Variants in RAD54L2 observed in about 807,000 individuals in gnomAD.
The protein encoded by RAD54L2 is helicase ARIP4.
In RAD54L2, 27 loss-of-function variants were observed where a neutral mutation model predicts 138.4. The ratio of observed to expected loss-of-function variants is 0.20; its 90% confidence interval spans 0.14 to 0.27. RAD54L2 has a LOEUF of 0.27. Ranked by LOEUF, RAD54L2 falls within the 10% of genes least tolerant of loss-of-function variation. The pLI is 1.00. For missense variants in RAD54L2, 1,396 were observed against 1,890.2 expected (o/e 0.74, Z 4.85); for synonymous variants, 644 against 723.2 (o/e 0.89, Z 1.76).
chr3:51,603,524 T>G (rs911867692), intron 3 of RAD54L2, among the ~76,000 whole-genome samples: 1 of 152,000 alleles, frequency 6.6e-6, no homozygotes, highest in Non-Finnish European at 1.5e-5. Flanking sequence ...GGAGAATTGC[T>G]TGAACCTGGG....
intron 19 of RAD54L2, among the ~76,000 whole-genome samples, chr3:51,652,899 T>C (rs915117403): frequency 2.1e-4 from 32 of 152,124 alleles, no homozygotes; most frequent in Non-Finnish European, 2.9e-4. Context: ...ACACCAAAAG[T>C]AATGGCAATA....
chr3:51,637,606 C>G lies in RAD54L2; in HGVS notation c.1682+103C>G. 2 of 1,173,506 alleles carry G rather than the reference C, an allele frequency of 1.7e-6. No homozygotes were observed. Among genetic ancestry groups the G allele is most frequent in the Non-Finnish European group, 2.3e-6 (2 of 851,982 alleles). 72.7% of individuals were successfully genotyped at this position (1,173,506 alleles called of 1,614,324 possible). A position where few individuals can be genotyped will look rare whatever the true frequency, so the allele number is the denominator to read the frequency against. On this transcript the variant is annotated intron_variant, in intron 11 of 22. Transcript: ENST00000684192. This position sits in a 1 kb window ranked among gnomAD's most constrained non-coding sequence, Gnocchi z 5.9. ...GGATAGGGTGTTGGAGTAGGAGGGC[C>G]CCTTCCCTGGGGCAGTAGTAAAACT...
At chr3:51,608,782 T>G (rs1700262834) in intron 3 of RAD54L2, among the ~76,000 whole-genome samples, 1 of 152,078 alleles carries the variant, frequency 6.6e-6, no homozygotes, top group Non-Finnish European at 1.5e-5. Context: ...GGCAGTACAG[T>G]CCAGCCTCGG....
At chr3:51,584,010 T>A (rs1249419562) in intron 2 of RAD54L2, among the ~76,000 whole-genome samples, 1 of 152,110 alleles carries the variant, frequency 6.6e-6, no homozygotes, top group African/African-American at 2.4e-5. Context: ...TGTTTTAGAA[T>A]CTGGAAGAGA....
At chr3:51,658,746 A>G (rs1701672991) in intron 21 of RAD54L2, among the ~76,000 whole-genome samples, 1 of 152,128 alleles carries the variant, frequency 6.6e-6, no homozygotes, top group Non-Finnish European at 1.5e-5. Flanking sequence ...CACCATTCCC[A>G]GCCTCCTTAC....
At chr3:51,604,894 T>A (rs1448502765) in intron 3 of RAD54L2, among the ~76,000 whole-genome samples, 1 of 152,122 alleles carries the variant, frequency 6.6e-6, no homozygotes, top group Non-Finnish European at 1.5e-5. Flanking sequence ...TGAATTGTTA[T>A]CTTCTGAAGT....
At chr3:51,633,349 T>C (rs939088094) in intron 7 of RAD54L2, among the ~76,000 whole-genome samples, 1 of 152,238 alleles carries the variant, frequency 6.6e-6, no homozygotes, top group Admixed American at 6.5e-5. Flanking sequence ...ATTCATGCAT[T>C]ACATGGGGTG....
At chr3:51,639,719 A>ATGGTGCAAGCCCTGCCTGGGGAAGGGG in intron 13 of RAD54L2, 49 bp downstream of exon 13, 1 of 1,603,032 alleles carries the variant, frequency 6.2e-7, no homozygotes, top group Non-Finnish European at 8.5e-7. Context: ...CTGAGAAGGG[A>ATGGTGCAAGCCCTGCCTGGGGAAGGGG]TGGTGCAAGC....
At chr3:51,648,205 G>A (rs1316047497) in intron 19 of RAD54L2, among the ~76,000 whole-genome samples, 1 of 152,228 alleles carries the variant, frequency 6.6e-6, no homozygotes, top group Non-Finnish European at 1.5e-5. Flanking sequence ...TAGTGCAGCA[G>A]TCCAAGATCA....
chr3:51,662,874 C>T lies in RAD54L2; in HGVS notation c.3858C>T (p.His1286=), dbSNP rs147484572. ...HLPAPVQPYE[H]GYPVSGGFAM... is the part of the protein sequence containing the mutation. Reference sequence around the variant, plus strand: ...CAGCCCCCGTGCAGCCGTATGAACACGGGTATCCAGTCTCTGGCGGGTTTG... The same window carrying T: ...CAGCCCCCGTGCAGCCGTATGAACATGGGTATCCAGTCTCTGGCGGGTTTG... Residue 1286 remains histidine, a synonymous_variant, in exon 23 of 23, where the codon CAC becomes CAT. Coordinates refer to ENST00000684192, the MANE Select transcript of RAD54L2 (RefSeq NM_015106.4). The surrounding 1 kb of genome is among the most constrained non-coding windows in gnomAD (Gnocchi z 4.6). 3.7e-4 allele frequency: 596 copies of T among 1,613,750 alleles called. 1 individual carries two copies. The highest frequency in any genetic ancestry group is 2.5e-3 in the Middle Eastern group (15 of 6,062).
At chr3:51,613,980 C>T (rs1027003025) in intron 3 of RAD54L2, among the ~76,000 whole-genome samples, 6 of 152,090 alleles carry the variant, frequency 3.9e-5, no homozygotes, top group Non-Finnish European at 8.8e-5. Context: ...TGCTGCTAAA[C>T]GTCCTACAGC....
intron 5 of RAD54L2, 118 bp downstream of exon 5, chr3:51,629,591 G>T: frequency 7.8e-7 from 1 of 1,289,716 alleles, no homozygotes; most frequent in Non-Finnish European, 1.0e-6. Context: ...GGGCGCGGTG[G>T]CTCACGCCTG....
At chr3:51,590,342 T>C in intron 2 of RAD54L2, 25 bp from the exon 3 acceptor site, 2 of 1,422,552 alleles carry the variant, frequency 1.4e-6, no homozygotes, top group East Asian at 5.1e-5. Context: ...CCTTGGTGAT[T>C]CTGATGCCTT....
chr3:51,613,623 T>C (rs537579927), intron 3 of RAD54L2, among the ~76,000 whole-genome samples: 2 of 152,068 alleles, frequency 1.3e-5, no homozygotes, highest in African/African-American at 2.4e-5. Context: ...AAAGATTAGC[T>C]GGGCATGGTG....
intron 3 of RAD54L2, among the ~76,000 whole-genome samples, chr3:51,620,154 G>A (rs2106777473): frequency 6.6e-6 from 1 of 152,004 alleles, no homozygotes; most frequent in South Asian, 2.1e-4. Context: ...GTGTGGTGCA[G>A]TGGTATAACC....
At chr3:51,619,610 C>T (rs1700524054) in intron 3 of RAD54L2, among the ~76,000 whole-genome samples, 1 of 152,118 alleles carries the variant, frequency 6.6e-6, no homozygotes, top group South Asian at 2.1e-4. Flanking sequence ...TTCCATTCAC[C>T]ACATTATCTC....
chr3:51,557,126 TATCA>T (rs1382459020), intron 2 of RAD54L2, among the ~76,000 whole-genome samples: 4 of 151,872 alleles, frequency 2.6e-5, no homozygotes. Context: ...TTTCAACAAT[TATCA>T]ATACTTCTCC....
chr3:51,603,235 G>A (rs1365822032), intron 3 of RAD54L2, among the ~76,000 whole-genome samples: 2 of 152,048 alleles, frequency 1.3e-5, no homozygotes, highest in African/African-American at 4.8e-5. Flanking sequence ...CTTGAGCCAG[G>A]AGGTTGAGGC....
Position 51,635,677 on chromosome 3 carries a change from C to T in RAD54L2, c.1227C>T (p.Leu409=), listed in dbSNP as rs868643327. The stretch of plus-strand genomic sequence containing the variant: ...TGATGGGGTACGAGATGTACAGACT[C>T]CTCACTCTGAAGAAATCATTTGCCA... ...VLLMGYEMYR[L]LTLKKSFATG... The change falls in exon 10 of 23, where the codon CTC becomes CTT. Residue 409 remains leucine, a synonymous_variant. Coordinates refer to ENST00000684192, the MANE Select transcript of RAD54L2 (RefSeq NM_015106.4). 2 of 1,613,836 alleles carry T rather than the reference C, an allele frequency of 1.2e-6. No individual in the cohort carries two copies. Among genetic ancestry groups the T allele is most frequent in the South Asian group, 2.2e-5 (2 of 91,064 alleles).
Sources: gnomAD v4.1 joint callset for allele counts (sites outside exome capture counted in the v4.1 genomes callset) on GRCh38, gnomAD v4.1.1 for gene constraint, Gnocchi (gnomAD v3.1) non-coding constraint, MANE v1.5 for transcripts, NCBI Gene and HGNC (gene_info 2026-07-23, HGNC 2026-07-21) for gene names.